Variants in CYRIA observed in about 807,000 individuals in gnomAD.
CYRIA encodes the protein CYFIP-related Rac1 interactor A.
A neutral mutation model predicts 43.9 loss-of-function variants in CYRIA; 15 were observed. That is an observed-to-expected ratio of 0.34 (90% CI 0.23 to 0.53). The LOEUF is 0.53. Ranked by LOEUF, CYRIA falls within the 20% of genes least tolerant of loss-of-function variation. The pLI is 0.94. For synonymous variants in CYRIA, 117 were observed against 136.0 expected (o/e 0.86, Z 0.97); for missense variants, 236 against 394.2 (o/e 0.60, Z 3.40).
At position 16,662,245 on chromosome 2, in the gene CYRIA, C is replaced by A. The variant is rs542257047; in HGVS notation, c.-167+3535G>T. Among the ~76,000 whole-genome samples, 4 of 152,290 alleles carry A rather than the reference C, an allele frequency of 2.6e-5. No individual in the cohort carries two copies. In the Middle Eastern group the frequency reaches 0.014, roughly 518 times the overall value. ...CAAAGGCTAGAATTCATCCAAAGAG[C>A]TTTGTACCATGGTTTTAAGGGGACC... On this transcript the variant is annotated intron_variant, in intron 1 of 11. Transcript: ENST00000381323.
Position 16,552,808 on chromosome 2 carries a change from A to G in CYRIA, c.*128T>C, listed in dbSNP as rs558546769. ...TCAGTCAGGATACAAATTAAGGTCC[A>G]TATATTTCAGTGACAAGAAGGAAAC... On this transcript the variant is annotated 3_prime_UTR_variant, in exon 12 of 12. Coordinates refer to ENST00000381323, the MANE Select transcript of CYRIA (RefSeq NM_030797.4). 1.2e-4 allele frequency: 80 copies of G among 662,780 alleles called. No homozygotes were observed. The highest frequency in any genetic ancestry group is 1.9e-4 in the Admixed American group (8 of 43,224). The allele number at this position is 662,780 out of a possible 1,614,324, so 41.1% of individuals were successfully genotyped here.
rs529297167 is a variant in CYRIA at position 16,572,690 on chromosome 2, G to T, written c.71-6923C>A. ...GTCAGAGTATTTTTAAGAGTACAAT[G>T]ATTTGAAGACTTTAGAATTTCTTTC... On this transcript the variant is annotated intron_variant, in intron 3 of 11. Transcript: ENST00000381323. Among the ~76,000 whole-genome samples the T allele has an allele frequency of 1.2e-3, 181 of 152,318 alleles. 1 individual carries two copies. The highest frequency in any genetic ancestry group is 3.4e-3 in the Middle Eastern group (1 of 294).
chr2:16,635,639 C>T (rs920759829), intron 1 of CYRIA, among the ~76,000 whole-genome samples: 5 of 152,190 alleles, frequency 3.3e-5, no homozygotes, highest in Admixed American at 2.6e-4. Flanking sequence ...CTCACCTCCT[C>T]TGGGAGGGTA....
chr2:16,625,066 G>A (rs1373807204), intron 1 of CYRIA, among the ~76,000 whole-genome samples: 2 of 152,148 alleles, frequency 1.3e-5, no homozygotes, highest in Non-Finnish European at 2.9e-5. Flanking sequence ...CAATGTTTCA[G>A]CTCAAATGCA....
At chr2:16,553,073 G>C (rs1052469417) in intron 11 of CYRIA, 74 bp from the exon 12 acceptor site, 10 of 917,874 alleles carry the variant, frequency 1.1e-5, no homozygotes, top group African/African-American at 3.2e-5. Context: ...CTTTACCTTC[G>C]GAAACACAAT....
intron 1 of CYRIA, among the ~76,000 whole-genome samples, chr2:16,653,863 A>G (rs1670034091): frequency 6.6e-6 from 1 of 152,168 alleles, no homozygotes. Context: ...TCACATTACC[A>G]TTTTCTCTTC....
At chr2:16,624,831 T>A (rs1204180233) in intron 1 of CYRIA, among the ~76,000 whole-genome samples, 1 of 152,226 alleles carries the variant, frequency 6.6e-6, no homozygotes, top group Non-Finnish European at 1.5e-5. Flanking sequence ...TAAATATACT[T>A]TCTTATTAAT....
At chr2:16,658,397 G>A (rs1670170392) in intron 1 of CYRIA, among the ~76,000 whole-genome samples, 1 of 152,056 alleles carries the variant, frequency 6.6e-6, no homozygotes, top group Non-Finnish European at 1.5e-5. Context: ...GAAGGAAGAT[G>A]GATGTATATT....
At chr2:16,656,851 C>T (rs1422352554) in intron 1 of CYRIA, among the ~76,000 whole-genome samples, 2 of 152,148 alleles carry the variant, frequency 1.3e-5, no homozygotes, top group Non-Finnish European at 2.9e-5. Context: ...GCGTCAGTGG[C>T]GTGAATGGCA....
At chr2:16,651,059 G>A (rs143834784) in intron 1 of CYRIA, among the ~76,000 whole-genome samples, 289 of 152,260 alleles carry the variant, frequency 1.9e-3, no homozygotes, top group African/African-American at 6.4e-3. Flanking sequence ...TGACATGTAT[G>A]GAAGGCGTTC....
At chr2:16,567,697 C>T (rs968544652) in intron 3 of CYRIA, among the ~76,000 whole-genome samples, 1 of 152,108 alleles carries the variant, frequency 6.6e-6, no homozygotes, top group African/African-American at 2.4e-5. Context: ...AGTGCCATGG[C>T]AATTCTCTTT....
chr2:16,550,240 C>T lies in CYRIA; in HGVS notation c.*2696G>A, dbSNP rs1005329768. 6.6e-6 allele frequency: 1 copy of T among 151,714 alleles called. No individual in the cohort carries two copies. The highest frequency in any genetic ancestry group is 1.9e-4 in the East Asian group (1 of 5,158). The allele number at this position is 151,714 out of a possible 1,614,324, so 9.4% of individuals were successfully genotyped here. A position where few individuals can be genotyped will look rare whatever the true frequency, so the allele number is the denominator to read the frequency against. On this transcript the variant is annotated 3_prime_UTR_variant, in exon 12 of 12. Transcript: ENST00000381323. Reference sequence around the variant, plus strand: ...TTGCTAGCACTTTCCCCTAAACCACCCGTAAGTCTTGGACGCATGTGCATG... The same window carrying T: ...TTGCTAGCACTTTCCCCTAAACCACTCGTAAGTCTTGGACGCATGTGCATG...
chr2:16,633,479 T>C (rs576244432), intron 1 of CYRIA, among the ~76,000 whole-genome samples: 2 of 151,632 alleles, frequency 1.3e-5, no homozygotes, highest in Non-Finnish European at 2.9e-5. Flanking sequence ...AGTGGCGTGA[T>C]CTTGGCTCAC....
At chr2:16,638,809 T>G (rs1186694066) in intron 1 of CYRIA, among the ~76,000 whole-genome samples, 1 of 140,768 alleles carries the variant, frequency 7.1e-6, no homozygotes, top group Non-Finnish European at 1.6e-5. Context: ...TCTATATCTG[T>G]ATCTATGTAA....
In CYRIA at chr2:16,552,172, G is replaced by A. The variant is rs1044101449; in HGVS notation, c.*764C>T. 7.2e-5 allele frequency: 11 copies of A among 152,232 alleles called. No homozygotes were observed. Among genetic ancestry groups the A allele is most frequent in the Admixed American group, 5.9e-4 (9 of 15,286 alleles). 9.4% of individuals were successfully genotyped at this position (152,232 alleles called of 1,614,324 possible). On this transcript the variant is annotated 3_prime_UTR_variant, in exon 12 of 12. Transcript: ENST00000381323. ...TGTAGGCAGAGGGCTGAAGCAGAGA[G>A]ATGGCTGTCCTGTTGCCTGAGTGCA...
chr2:16,607,513 G>C (rs1668449863), intron 2 of CYRIA, among the ~76,000 whole-genome samples: 2 of 152,176 alleles, frequency 1.3e-5, no homozygotes, highest in Admixed American at 1.3e-4. Flanking sequence ...CCGCCCCTCT[G>C]CTGAAGCTAC....
Position 16,562,062 on chromosome 2 carries a change from G to T in CYRIA, c.378C>A (p.Ala126=), listed in dbSNP as rs1355256242. ...TPTQHLEREQ[A]LAKEFAEILH... is the part of the protein sequence containing the mutation. Reference sequence around the variant, plus strand: ...AAATTTCGGCAAACTCCTTTGCCAGGGCCTGTTCCCTTTCCAGGTGTTGGG... The same window carrying T: ...AAATTTCGGCAAACTCCTTTGCCAGTGCCTGTTCCCTTTCCAGGTGTTGGG... Residue 126 remains alanine (A), a synonymous_variant, in exon 6 of 12, where the codon GCC becomes GCA. Coordinates refer to ENST00000381323, the MANE Select transcript of CYRIA (RefSeq NM_030797.4). 1 of 1,613,582 alleles carries T rather than the reference G, an allele frequency of 6.2e-7. No individual in the cohort carries two copies. The highest frequency in any genetic ancestry group is 1.3e-5 in the African/African-American group (1 of 74,986).
At chr2:16,620,240 A>G (rs1032787285) in intron 2 of CYRIA, among the ~76,000 whole-genome samples, 1 of 152,220 alleles carries the variant, frequency 6.6e-6, no homozygotes, top group African/African-American at 2.4e-5. Flanking sequence ...TTACTCATTC[A>G]TTTTCTGATG....
chr2:16,647,826 T>C (rs1009198832), intron 1 of CYRIA, among the ~76,000 whole-genome samples: 1 of 152,154 alleles, frequency 6.6e-6, no homozygotes, highest in South Asian at 2.1e-4. Flanking sequence ...TCAGACTGCC[T>C]TCCCTGACCC....
Sources: allele counts gnomAD v4.1 joint callset (sites outside exome capture counted in the v4.1 genomes callset), GRCh38; gene constraint gnomAD v4.1.1; transcripts MANE v1.5; gene names NCBI Gene and HGNC (gene_info 2026-07-23, HGNC 2026-07-21).